GAD1: variants seen among roughly 807,000 people sequenced by gnomAD.
GAD1 encodes the protein glutamate decarboxylase 1.
Under a neutral mutation model 75.2 loss-of-function variants are expected in GAD1, and 35 were observed. That is an observed-to-expected ratio of 0.47 (90% CI 0.36 to 0.62). GAD1 has a LOEUF of 0.62. Among genes scored for constraint, GAD1 ranks in the 20% least tolerant of loss-of-function variants. The probability of loss-of-function intolerance (pLI) is 0.00; values close to 1 mark genes in which losing one functional copy is unlikely to be tolerated. For synonymous variants in GAD1, 257 were observed against 271.9 expected, an observed-to-expected ratio of 0.95 and a Z score of 0.54; for missense variants, 490 against 758.5, an observed-to-expected ratio of 0.65 and a Z score of 4.16.
intron 16 of GAD1, 106 bp from the exon 17 acceptor site, chr2:170,859,603 T>C: frequency 8.9e-7 from 1 of 1,117,358 alleles, no homozygotes; most frequent in Non-Finnish European, 1.3e-6. Context: ...TCTTTGCTTT[T>C]ATGTCAATGT....
chr2:170,855,136 T>C (rs1231794938), intron 14 of GAD1, among the ~76,000 whole-genome samples: 1 of 152,094 alleles, frequency 6.6e-6, no homozygotes, highest in Non-Finnish European at 1.5e-5. Context: ...TCTGGCAAAA[T>C]TTCTAGTCAA....
intron 5 of GAD1, among the ~76,000 whole-genome samples, chr2:170,831,764 TTTA>T (rs1254400093): frequency 7.2e-6 from 1 of 139,156 alleles, no homozygotes; most frequent in Non-Finnish European, 1.6e-5. Flanking sequence ...TATATAAATA[TTTA>T]TATATAATAT....
At chr2:170,814,473 TGGA>T (rs1701661689), upstream of GAD1, among the ~76,000 whole-genome samples, 1 of 152,198 alleles carries the variant, frequency 6.6e-6, no homozygotes, top group Admixed American at 6.5e-5. Flanking sequence ...GAGTTCGAGT[TGGA>T]GGAGATCATT....
chr2:170,824,804 T>C (rs1376840020), intron 3 of GAD1, among the ~76,000 whole-genome samples: 1 of 152,128 alleles, frequency 6.6e-6, no homozygotes, highest in Non-Finnish European at 1.5e-5. Flanking sequence ...CTAAATACGA[T>C]GAGTTGCAGG....
In GAD1 at chr2:170,859,692, G is replaced by T; in HGVS notation, c.1612-17G>T. 1 of 1,613,760 alleles carries T rather than the reference G, an allele frequency of 6.2e-7. No individual in the cohort carries two copies. Among genetic ancestry groups the T allele is most frequent in the Non-Finnish European group, 8.5e-7 (1 of 1,179,792 alleles). On this transcript the variant is annotated splice_polypyrimidine_tract_variant and intron_variant, in intron 16 of 16. Coordinates refer to ENST00000358196, the MANE Select transcript of GAD1 (RefSeq NM_000817.3). ...TCATATCAATCTTGAGTTTTGTTTT[G>T]TGTTTTCCATCACAAGGTGGCTCCA...
chr2:170,841,038 C>T (rs543047756), intron 6 of GAD1, among the ~76,000 whole-genome samples: 2 of 152,288 alleles, frequency 1.3e-5, no homozygotes, highest in East Asian at 3.9e-4. Context: ...GCTCAGAATG[C>T]TCCTCTAGTG....
chr2:170,832,754 C>T (rs1362555149), intron 5 of GAD1, among the ~76,000 whole-genome samples: 1 of 152,110 alleles, frequency 6.6e-6, no homozygotes, highest in Non-Finnish European at 1.5e-5. Flanking sequence ...CTCTGAGTCA[C>T]CAAATTCTAT....
At chr2:170,829,704 G>C in intron 4 of GAD1, 71 bp downstream of exon 4, 1 of 1,510,590 alleles carries the variant, frequency 6.6e-7, no homozygotes, top group African/African-American at 1.4e-5. Context: ...ACTTTTTCCT[G>C]CAATTTTACT....
intron 12 of GAD1, among the ~76,000 whole-genome samples, chr2:170,851,104 C>T (rs1209938439): frequency 6.6e-6 from 1 of 152,020 alleles, no homozygotes; most frequent in Non-Finnish European, 1.5e-5. Flanking sequence ...GTCTTTGAGT[C>T]TAGGAAAACT....
At chr2:170,814,857 G>A (rs1701667501), upstream of GAD1, among the ~76,000 whole-genome samples, 1 of 152,122 alleles carries the variant, frequency 6.6e-6, no homozygotes, top group Non-Finnish European at 1.5e-5. Flanking sequence ...TTTGAACTCT[G>A]GGGTCAAAGG....
chr2:170,844,413 T>TC (rs1248494463), intron 7 of GAD1, among the ~76,000 whole-genome samples: 1 of 147,864 alleles, frequency 6.8e-6, no homozygotes, highest in Admixed American at 6.7e-5. Flanking sequence ...TTTTCTTTTT[T>TC]TTTTTTTTTT....
intron 7 of GAD1, among the ~76,000 whole-genome samples, chr2:170,844,372 T>G (rs1416872469): frequency 6.6e-6 from 1 of 152,012 alleles, no homozygotes; most frequent in Non-Finnish European, 1.5e-5. Context: ...AGGCTGTGTC[T>G]AGATAATGCT....
At position 170,826,314 on chromosome 2, in the gene GAD1, C is replaced by A. The variant is rs139109143; in HGVS notation, c.146-3161C>A. 3.6e-4 allele frequency among the ~76,000 whole-genome samples: 55 copies of A among 152,156 alleles called. 1 individual carries two copies. The Middle Eastern group carries it at 0.02, about 56-fold the overall frequency. On this transcript the variant is annotated intron_variant, in intron 3 of 16. Coordinates refer to ENST00000358196, the MANE Select transcript of GAD1 (RefSeq NM_000817.3). ...GGGCGCAGTGGCTCGCACCTGTAAT[C>A]CCAGCACTTTGGGAGGCCGAGACAG...
At chr2:170,843,370 T>C (rs532318482) in intron 6 of GAD1, among the ~76,000 whole-genome samples, 5 of 152,160 alleles carry the variant, frequency 3.3e-5, no homozygotes, top group Non-Finnish European at 7.4e-5. Context: ...TTATTTATAA[T>C]TTGTAATTAG....
At chr2:170,845,335 T>C (rs972776008) in intron 7 of GAD1, 171 bp from the exon 8 acceptor site, 1 of 685,854 alleles carries the variant, frequency 1.5e-6, no homozygotes, top group South Asian at 1.6e-5. Flanking sequence ...ATTCCCAGGG[T>C]AAAGGGTCCA....
chr2:170,824,184 T>C (rs1206771313), intron 3 of GAD1, among the ~76,000 whole-genome samples: 2 of 152,190 alleles, frequency 1.3e-5, no homozygotes, highest in Admixed American at 6.5e-5. Context: ...TGAGGAGAAA[T>C]TGCCTTGGGC....
chr2:170,823,234 C>G (rs1316448391), intron 3 of GAD1, among the ~76,000 whole-genome samples: 3 of 152,234 alleles, frequency 2.0e-5, no homozygotes, highest in African/African-American at 7.2e-5. Flanking sequence ...ACGGGACACG[C>G]CCGCCCGCCC....
At chr2:170,822,042 T>C (rs777297066) in intron 2 of GAD1, 45 bp from the exon 3 acceptor site, 1 of 1,536,030 alleles carries the variant, frequency 6.5e-7, no homozygotes, top group South Asian at 1.2e-5. Flanking sequence ...TTCCCCGCGG[T>C]CGGAACCTCC....
rs760753448 is a variant in GAD1 at position 170,818,547 on chromosome 2, C to G, written c.-45C>G. The G allele has an allele frequency of 3.2e-6, 5 of 1,550,006 alleles. No homozygotes were observed. Among genetic ancestry groups the G allele is most frequent in the Middle Eastern group, 1.7e-4 (1 of 5,926 alleles). ...TTTGCAGCCTGTTTCTGCGCCGGAC[C>G]AGTCGAGGACTCTGGACAGTAGAGG... is the stretch of plus-strand genomic sequence containing the variant. On this transcript the variant is annotated 5_prime_UTR_variant, in exon 2 of 17. Transcript: ENST00000358196. This position sits in a 1 kb window ranked among gnomAD's most constrained non-coding sequence, Gnocchi z 5.9.
Sources: gnomAD v4.1 joint callset for allele counts (sites outside exome capture counted in the v4.1 genomes callset) on GRCh38, gnomAD v4.1.1 for gene constraint, Gnocchi (gnomAD v3.1) non-coding constraint, MANE v1.5 for transcripts, NCBI Gene and HGNC (gene_info 2026-07-23, HGNC 2026-07-21) for gene names.